LRMDA: variants seen among roughly 807,000 people sequenced by gnomAD.
LRMDA encodes leucine-rich melanocyte differentiation-associated protein.
LRMDA carries 18 observed loss-of-function variants against 29.8 expected under a neutral mutation model. The observed-to-expected ratio is 0.60, with a 90% CI of 0.42 to 0.90. The LOEUF (loss-of-function observed/expected upper bound fraction) is 0.90. Among genes scored for constraint, LRMDA ranks in the 40% least tolerant of loss-of-function variants. The probability of loss-of-function intolerance (pLI) is 0.00; values close to 1 mark genes in which losing one functional copy is unlikely to be tolerated. For synonymous variants in LRMDA, 125 were observed against 109.4 expected (o/e 1.14, Z -0.89); for missense variants, 273 against 273.9 (o/e 1.00, Z 0.02).
intron 5 of LRMDA, chr10:76,261,029 T>G (rs1758193909): frequency 6.6e-6 from 1 of 152,254 alleles, no homozygotes; most frequent in African/African-American, 2.4e-5. Context: ...AGACTGACTT[T>G]TATTGGCTGG....
At chr10:75,965,496 T>C (rs774715267) in intron 2 of LRMDA, among the ~76,000 whole-genome samples, 55 of 152,182 alleles carry the variant, frequency 3.6e-4, no homozygotes, top group Non-Finnish European at 7.1e-4. Flanking sequence ...TTCTAAACTT[T>C]GTAAATGAGG....
At chr10:75,814,433 T>C (rs1844021710) in intron 2 of LRMDA, among the ~76,000 whole-genome samples, 2 of 152,226 alleles carry the variant, frequency 1.3e-5, no homozygotes, top group South Asian at 4.1e-4. Flanking sequence ...ACTTGTAGCA[T>C]ACATACTAGT....
chr10:76,283,522 G>A (rs1200862516), intron 5 of LRMDA, among the ~76,000 whole-genome samples: 4 of 152,164 alleles, frequency 2.6e-5, no homozygotes, highest in Non-Finnish European at 5.9e-5. Context: ...AAATACTCAG[G>A]TGTGAGTTCA....
intron 2 of LRMDA, among the ~76,000 whole-genome samples, chr10:75,460,239 T>A (rs534938477): frequency 6.6e-6 from 1 of 152,350 alleles, no homozygotes; most frequent in East Asian, 1.9e-4. Context: ...TGAGTTAATG[T>A]GATTGCGTAA....
At chr10:75,468,758 G>A (rs1248977557) in intron 2 of LRMDA, among the ~76,000 whole-genome samples, 2 of 152,118 alleles carry the variant, frequency 1.3e-5, no homozygotes, top group Non-Finnish European at 2.9e-5. Context: ...GGTGGAGTGG[G>A]GAGATAGGGG....
At chr10:75,496,060 A>G (rs913314227) in intron 2 of LRMDA, among the ~76,000 whole-genome samples, 1 of 152,242 alleles carries the variant, frequency 6.6e-6, no homozygotes, top group Non-Finnish European at 1.5e-5. Flanking sequence ...GACAAAGGGT[A>G]GTCTGAGCAG....
At chr10:75,519,720 A>G (rs919179345) in intron 2 of LRMDA, among the ~76,000 whole-genome samples, 2 of 152,196 alleles carry the variant, frequency 1.3e-5, no homozygotes. Flanking sequence ...TGATCCTGTC[A>G]TTATGACATT....
chr10:75,971,095 G>C (rs781730737), intron 2 of LRMDA, among the ~76,000 whole-genome samples: 1 of 152,102 alleles, frequency 6.6e-6, no homozygotes, highest in Non-Finnish European at 1.5e-5. Flanking sequence ...TATTCCCTTT[G>C]CTCTTCCATA....
At chr10:76,469,395 A>G (rs999587800) in intron 6 of LRMDA, among the ~76,000 whole-genome samples, 3 of 152,134 alleles carry the variant, frequency 2.0e-5, no homozygotes, top group Non-Finnish European at 4.4e-5. Context: ...TGGCAGTTCT[A>G]CCACAGGTGA....
chr10:75,808,513 T>A (rs1249875493), intron 2 of LRMDA, among the ~76,000 whole-genome samples: 1 of 152,184 alleles, frequency 6.6e-6, no homozygotes, highest in Non-Finnish European at 1.5e-5. Flanking sequence ...ATGTTCACAC[T>A]TTTTTTGTTG....
At chr10:75,575,161 A>G (rs1197239846) in intron 2 of LRMDA, among the ~76,000 whole-genome samples, 1 of 152,198 alleles carries the variant, frequency 6.6e-6, no homozygotes, top group Non-Finnish European at 1.5e-5. Flanking sequence ...AACCACCCCT[A>G]TGATCCAAGG....
At chr10:76,385,907 A>G (rs1030754235) in intron 6 of LRMDA, among the ~76,000 whole-genome samples, 4 of 152,202 alleles carry the variant, frequency 2.6e-5, no homozygotes, top group Non-Finnish European at 4.4e-5. Flanking sequence ...TAAATGCTCA[A>G]TAAATATTTG....
chr10:76,558,995 A>G lies in LRMDA; in HGVS notation c.*1707A>G, dbSNP rs1843592810. The G allele has an allele frequency of 6.6e-6, 1 of 152,236 alleles. No individual in the cohort carries two copies. Among genetic ancestry groups the G allele is most frequent in the Admixed American group, 6.5e-5 (1 of 15,286 alleles). The allele number at this position is 152,236 out of a possible 1,614,324, so 9.4% of individuals were successfully genotyped here. ...CTTTTCTCTGTTTGATCTACAAAAC[A>G]GCACTGGAAAAATGCTTTAAATTAT... On this transcript the variant is annotated 3_prime_UTR_variant, in exon 7 of 7. Transcript: ENST00000611255.
chr10:76,159,021 G>C (rs1284033812), intron 5 of LRMDA, among the ~76,000 whole-genome samples: 1 of 152,020 alleles, frequency 6.6e-6, no homozygotes, highest in African/African-American at 2.4e-5. Flanking sequence ...AAAATCATAT[G>C]GTAAGTAGAA....
chr10:75,834,901 A>G (rs753097657), intron 2 of LRMDA, among the ~76,000 whole-genome samples: 28 of 152,156 alleles, frequency 1.8e-4, no homozygotes, highest in Non-Finnish European at 3.5e-4. Context: ...ATTCATGCCA[A>G]TGTTTCTACT....
chr10:76,197,424 C>T (rs978239596), intron 5 of LRMDA, among the ~76,000 whole-genome samples: 3 of 152,150 alleles, frequency 2.0e-5, no homozygotes, highest in Non-Finnish European at 2.9e-5. Flanking sequence ...TACAAACTAG[C>T]GGTTATCTAA....
At chr10:76,003,646 C>G (rs529304945) in intron 2 of LRMDA, among the ~76,000 whole-genome samples, 2 of 152,008 alleles carry the variant, frequency 1.3e-5, no homozygotes, top group African/African-American at 2.4e-5. Flanking sequence ...TCAGGAGAGG[C>G]AGCATTAGGA....
chr10:75,494,897 G>A (rs937947785), intron 2 of LRMDA, among the ~76,000 whole-genome samples: 4 of 152,166 alleles, frequency 2.6e-5, no homozygotes, highest in African/African-American at 9.7e-5. Flanking sequence ...CTAGGGTATG[G>A]GATCTTGAAC....
rs1223969205 is a variant in LRMDA at position 76,007,033 on chromosome 10, C to CGT, written c.132-28974_132-28973insTG. Among the ~76,000 whole-genome samples the CGT allele has an allele frequency of 1.4e-3, 44 of 31,726 alleles. 1 individual carries two copies. Among genetic ancestry groups the CGT allele is most frequent in the East Asian group, 7.7e-3 (13 of 1,692 alleles). The allele number at this position is 31,726 out of a possible 152,430, so 20.8% of individuals were successfully genotyped here. ...GTGTGTGTGTGTGTGTGTGTGTGTG[C>CGT]GCGTGTGTGTTTATATATTTATTTT... On this transcript the variant is annotated intron_variant, in intron 2 of 6. Coordinates refer to ENST00000611255, the MANE Select transcript of LRMDA (RefSeq NM_001305581.2).
Sources: gnomAD v4.1 joint callset for allele counts (sites outside exome capture counted in the v4.1 genomes callset) on GRCh38, gnomAD v4.1.1 for gene constraint, MANE v1.5 for transcripts, NCBI Gene and HGNC (gene_info 2026-07-23, HGNC 2026-07-21) for gene names.